ZNF775: variants seen among roughly 807,000 people sequenced by gnomAD.
ZNF775 encodes the protein zinc finger protein 775.
A neutral mutation model predicts 2.4 loss-of-function variants in ZNF775; 1 was observed. That is an observed-to-expected ratio of 0.41 (90% CI 0.15 to 1.94). The LOEUF is 1.94. Ranked by LOEUF, ZNF775 falls within the 30% of genes most tolerant of loss-of-function variation. The pLI is 0.30. For missense variants in ZNF775, 823 were observed against 826.6 expected, an observed-to-expected ratio of 1.00 and a Z score of 0.05; for synonymous variants, 381 against 373.3, an observed-to-expected ratio of 1.02 and a Z score of -0.24.
intron 1 of ZNF775, among the ~76,000 whole-genome samples, chr7:150,381,239 T>A (rs568676711): frequency 7.2e-5 from 11 of 152,226 alleles, no homozygotes; most frequent in South Asian, 2.1e-4. Context: ...TGTTTACCTC[T>A]GGCCGGTGAA....
chr7:150,397,530 AGCACCTGCTCAAGCACCTGCGCAC>A lies in ZNF775; in HGVS notation c.1058_1081del (p.Leu353_Leu360del). On this transcript the variant is annotated inframe_deletion, in exon 3 of 3. Coordinates refer to ENST00000329630, the MANE Select transcript of ZNF775 (RefSeq NM_173680.4). Reference sequence around the variant, plus strand: ...TGTGGCCGCGGCTTCCGCCAGAAGCAGCACCTGCTCAAGCACCTGCGCACGCACCTGCCCGGCGCCCAGGCTGCG... The same window carrying A: ...TGTGGCCGCGGCTTCCGCCAGAAGCAGCACCTGCCCGGCGCCCAGGCTGCG... The A allele has an allele frequency of 6.4e-7, 1 of 1,559,448 alleles. No homozygotes were observed. Among genetic ancestry groups the A allele is most frequent in the Non-Finnish European group, 8.6e-7 (1 of 1,159,786 alleles).
At chr7:150,388,343 T>G in intron 1 of ZNF775, 79 bp from the exon 2 acceptor site, 1 of 1,084,410 alleles carries the variant, frequency 9.2e-7, no homozygotes, top group Non-Finnish European at 1.4e-6. Context: ...CTTTATGGGA[T>G]GGGAGGGGGG....
At chr7:150,380,132 AG>A (rs745903015) in intron 1 of ZNF775, 6 of 152,232 alleles carry the variant, frequency 3.9e-5, no homozygotes, top group Non-Finnish European at 8.8e-5. Flanking sequence ...TCAGAGCCCC[AG>A]GGGTTGGAGG....
At chr7:150,387,436 C>G (rs1331952175) in intron 1 of ZNF775, among the ~76,000 whole-genome samples, 1 of 152,104 alleles carries the variant, frequency 6.6e-6, no homozygotes, top group Non-Finnish European at 1.5e-5. Flanking sequence ...CGTGGGGCAT[C>G]CACACAGCAG....
intron 2 of ZNF775, 72 bp from the exon 3 acceptor site, chr7:150,396,441 T>A: frequency 6.7e-7 from 1 of 1,481,650 alleles, no homozygotes; most frequent in East Asian, 2.5e-5. Flanking sequence ...TCTCTCTTGC[T>A]CCTTCTCTCC....
rs377750296 is a variant in ZNF775, at chr7:150,398,322, G to A, written c.*227G>A. 16 of 706,376 alleles carry A rather than the reference G, an allele frequency of 2.3e-5. No homozygotes were observed. The highest frequency in any genetic ancestry group is 1.2e-4 in the East Asian group (4 of 34,098). The allele number at this position is 706,376 out of a possible 1,614,324, so 43.8% of individuals were successfully genotyped here. The stretch of plus-strand genomic sequence containing the variant: ...AGGGAAGATCCGAGTTCCTCACCGC[G>A]GGCCGGGATGTGACCACCCTCTTCA... On this transcript the variant is annotated 3_prime_UTR_variant, in exon 3 of 3. Transcript: ENST00000329630.
At chr7:150,386,768 G>C (rs1451433857) in intron 1 of ZNF775, among the ~76,000 whole-genome samples, 2 of 152,172 alleles carry the variant, frequency 1.3e-5, no homozygotes, top group Non-Finnish European at 2.9e-5. Flanking sequence ...CAGCGAGGAG[G>C]AGATGAGTCT....
chr7:150,391,706 C>CTTTCT (rs1206686814), intron 2 of ZNF775, among the ~76,000 whole-genome samples: 93 of 73,582 alleles, frequency 1.3e-3, no homozygotes, highest in African/African-American at 4.4e-3. Flanking sequence ...TCCTTTCTTT[C>CTTTCT]TTTTTTTTTT....
chr7:150,381,021 T>C (rs1443435872), intron 1 of ZNF775, among the ~76,000 whole-genome samples: 1 of 152,160 alleles, frequency 6.6e-6, no homozygotes, highest in East Asian at 1.9e-4. Context: ...TGTTTATTAA[T>C]TAAAATGTGA....
chr7:150,379,505 G>A (rs1389331734), intron 1 of ZNF775, 113 bp downstream of exon 1: 1 of 152,166 alleles, frequency 6.6e-6, no homozygotes, highest in Non-Finnish European at 1.5e-5. Context: ...GCCTCCGCCC[G>A]GCCCGGGCTG....
In ZNF775 at chr7:150,398,023, G is replaced by GAA; in HGVS notation, c.1542_1543insAA (p.Gln515AsnfsTer55). 6.3e-7 allele frequency: 1 copy of GAA among 1,580,732 alleles called. No homozygotes were observed. Among genetic ancestry groups the GAA allele is most frequent in the South Asian group, 1.1e-5 (1 of 88,742 alleles). On this transcript the variant is annotated frameshift_variant, in exon 3 of 3. Transcript: ENST00000329630. LOFTEE classifies it low-confidence loss of function (END_TRUNC). ...CCTGCGGCCGCGGCTTCAGCCAGAA[G>GAA]CAGCACCTGCTCAAGCACCAGCGCG...
At position 150,398,342 on chromosome 7, in the gene ZNF775, T is replaced by G. The variant is rs535137047; in HGVS notation, c.*247T>G. Reference sequence around the variant, plus strand: ...ACCGCGGGCCGGGATGTGACCACCCTCTTCAGAGGTTGGACCCCAGGCTTC... The same window carrying G: ...ACCGCGGGCCGGGATGTGACCACCCGCTTCAGAGGTTGGACCCCAGGCTTC... On this transcript the variant is annotated 3_prime_UTR_variant, in exon 3 of 3. Coordinates refer to ENST00000329630, the MANE Select transcript of ZNF775 (RefSeq NM_173680.4). 4.5e-5 allele frequency: 27 copies of G among 602,198 alleles called. No homozygotes were observed. The Admixed American group carries it at 5.7e-4, about 13-fold the overall frequency. The allele number at this position is 602,198 out of a possible 1,614,324, so 37.3% of individuals were successfully genotyped here.
rs1800663881 is a variant in ZNF775, at chr7:150,396,742, G to T, written c.261G>T (p.Arg87=). 6.3e-7 allele frequency: 1 copy of T among 1,589,308 alleles called. No individual in the cohort carries two copies. The highest frequency in any genetic ancestry group is 8.6e-7 in the Non-Finnish European group (1 of 1,168,532). The change falls in exon 3 of 3, where the codon CGG becomes CGT. Residue 87 remains arginine, a synonymous_variant. Transcript: ENST00000329630. ...AGCAGGATGCGGGGCTGGCAGGCCG[G>T]GCTCCCGGGTCAGCCTCCGGCCCCC... ...PTEQDAGLAG[R]APGSASGPLS... is the part of the protein sequence containing the mutation.
In ZNF775 at chr7:150,384,143, G is replaced by T. The variant is rs1244752409; in HGVS notation, c.-49-4279G>T. Among the ~76,000 whole-genome samples, 4 of 152,236 alleles carry T rather than the reference G, an allele frequency of 2.6e-5. No individual in the cohort carries two copies. In the South Asian group the frequency reaches 6.2e-4, roughly 24 times the overall value. On this transcript the variant is annotated intron_variant, in intron 1 of 2. Coordinates refer to ENST00000329630, the MANE Select transcript of ZNF775 (RefSeq NM_173680.4). This position sits in a 1 kb window ranked among gnomAD's most constrained non-coding sequence, Gnocchi z 4.1. The stretch of plus-strand genomic sequence containing the variant: ...GAACTGCAGCCTGACCCGGTGCGCG[G>T]AGGGCCGGGCCAGGGCCAGGCGTGG...
At chr7:150,379,891 G>A (rs561513537) in intron 1 of ZNF775, 1 of 152,550 alleles carries the variant, frequency 6.6e-6, no homozygotes, top group African/African-American at 2.4e-5. Context: ...ATAAGGATTG[G>A]GGGTGGAGAT....
chr7:150,394,630 T>G (rs761884015), intron 2 of ZNF775, among the ~76,000 whole-genome samples: 4 of 151,634 alleles, frequency 2.6e-5, no homozygotes, highest in Non-Finnish European at 5.9e-5. Flanking sequence ...GCTAGGAGCT[T>G]TCTTCTCTCT....
chr7:150,396,959 G>A lies in ZNF775; in HGVS notation c.478G>A (p.Glu160Lys), dbSNP rs773565077. 2.5e-6 allele frequency: 4 copies of A among 1,600,406 alleles called. No homozygotes were observed. The highest frequency in any genetic ancestry group is 1.1e-5 in the South Asian group (1 of 90,954). The change falls in exon 3 of 3, where the codon GAG (glutamate) becomes AAG (lysine). Residue 160 changes from glutamate (E) to lysine (K), a missense_variant. Coordinates refer to ENST00000329630, the MANE Select transcript of ZNF775 (RefSeq NM_173680.4). ...GCGCCACCAGCGGCACCACACGGGC[G>A]AGCGACCCTTCTGCTGCCCCGAGTG... ...LARHQRHHTG[E>K]RPFCCPECAR...
chr7:150,382,364 G>A lies in ZNF775; in HGVS notation c.-50+2972G>A, dbSNP rs1800379927. 2.0e-5 allele frequency among the ~76,000 whole-genome samples: 3 copies of A among 152,272 alleles called. No individual in the cohort carries two copies. Among genetic ancestry groups the A allele is most frequent in the Admixed American group, 1.3e-4 (2 of 15,302 alleles). On this transcript the variant is annotated intron_variant, in intron 1 of 2. Coordinates refer to ENST00000329630, the MANE Select transcript of ZNF775 (RefSeq NM_173680.4). The surrounding 1 kb of genome is among the most constrained non-coding windows in gnomAD (Gnocchi z 4.6). ...GGAGCAGGTATTTCCGTTCACCTGCGCCTTCAAGAACCTGAGCTCAAAGCG... is the reference window on the plus strand; with the variant it reads ...GGAGCAGGTATTTCCGTTCACCTGCACCTTCAAGAACCTGAGCTCAAAGCG...
At position 150,397,905 on chromosome 7, in the gene ZNF775, C is replaced by A; in HGVS notation, c.1424C>A (p.Pro475Gln). ...QRIHTGERPY[P>Q]CPECGRRFSQ... ...ATCCACACGGGTGAGCGGCCCTACC[C>A]GTGCCCCGAGTGCGGCCGCCGCTTC... The change falls in exon 3 of 3, where the codon CCG becomes CAG. Residue 475 changes from proline (P) to glutamine (Q), a missense_variant. Coordinates refer to ENST00000329630, the MANE Select transcript of ZNF775 (RefSeq NM_173680.4). 6.2e-7 allele frequency: 1 copy of A among 1,602,014 alleles called. No homozygotes were observed. Among genetic ancestry groups the A allele is most frequent in the Non-Finnish European group, 8.5e-7 (1 of 1,178,424 alleles).
Sources: allele counts gnomAD v4.1 joint callset (sites outside exome capture counted in the v4.1 genomes callset), GRCh38; gene constraint gnomAD v4.1.1; non-coding constraint Gnocchi (gnomAD v3.1); transcripts MANE v1.5; gene names NCBI Gene and HGNC (gene_info 2026-07-23, HGNC 2026-07-21).